TDRD3: variants seen among roughly 807,000 people sequenced by gnomAD.
The protein encoded by TDRD3 is tudor domain containing 3.
Under a neutral mutation model 86.7 loss-of-function variants are expected in TDRD3, and 45 were observed. The observed-to-expected ratio is 0.52, with a 90% confidence interval of 0.41 to 0.67. TDRD3 has a LOEUF of 0.67. Ranked by LOEUF, TDRD3 falls within the 30% of genes least tolerant of loss-of-function variation. The pLI is 0.00. For missense variants in TDRD3, 814 were observed against 889.0 expected, an observed-to-expected ratio of 0.92 and a Z score of 1.07; for synonymous variants, 298 against 301.7, an observed-to-expected ratio of 0.99 and a Z score of 0.13.
At chr13:60,507,743 A>G (rs1035215640) in intron 8 of TDRD3, among the ~76,000 whole-genome samples, 14 of 152,234 alleles carry the variant, frequency 9.2e-5, no homozygotes, top group African/African-American at 2.9e-4. Flanking sequence ...CACCACTCCT[A>G]TTCAACATAG....
rs754630468 is a variant in TDRD3 at position 60,528,339 on chromosome 13, T to A, written c.1142-28T>A. ...ATTAATGCAGAGTCTTCATCTTAAT[T>A]TGCATATGGTATACTTTTACCTTTC... On this transcript the variant is annotated intron_variant, in intron 10 of 13. Coordinates refer to ENST00000377881, the MANE Select transcript of TDRD3 (RefSeq NM_001146070.2). 1.9e-6 allele frequency: 3 copies of A among 1,543,848 alleles called. No individual in the cohort carries two copies. The African/African-American group carries it at 4.2e-5, about 21-fold the overall frequency.
chr13:60,448,601 T>C (rs1445029751), intron 3 of TDRD3, among the ~76,000 whole-genome samples: 1 of 152,126 alleles, frequency 6.6e-6, no homozygotes, highest in Non-Finnish European at 1.5e-5. Flanking sequence ...TTATAGGCAC[T>C]TCATATTTGA....
chr13:60,434,541 G>A (rs1433439781), intron 1 of TDRD3, among the ~76,000 whole-genome samples: 3 of 151,858 alleles, frequency 2.0e-5, no homozygotes, highest in Non-Finnish European at 2.9e-5. Context: ...GGTAAAATTA[G>A]TGAGAAATAT....
intron 4 of TDRD3, among the ~76,000 whole-genome samples, chr13:60,462,671 T>TTTATTATTA (rs564814817): frequency 6.6e-6 from 1 of 151,708 alleles, no homozygotes; most frequent in Non-Finnish European, 1.5e-5. Flanking sequence ...CTTGCTAGTT[T>TTTATTATTA]TTATTATTAT....
At chr13:60,446,782 T>C (rs1306289843) in intron 3 of TDRD3, among the ~76,000 whole-genome samples, 3 of 152,182 alleles carry the variant, frequency 2.0e-5, no homozygotes, top group Non-Finnish European at 2.9e-5. Context: ...TATTTTGGTT[T>C]CTTTGTTAGT....
chr13:60,451,644 T>C (rs1288110103), intron 3 of TDRD3, among the ~76,000 whole-genome samples: 1 of 152,152 alleles, frequency 6.6e-6, no homozygotes, highest in East Asian at 1.9e-4. Flanking sequence ...GGAACTCTAC[T>C]GCATTGTGGA....
intron 9 of TDRD3, among the ~76,000 whole-genome samples, chr13:60,510,191 G>A (rs928598914): frequency 2.0e-5 from 3 of 152,124 alleles, no homozygotes; most frequent in African/African-American, 7.2e-5. Context: ...GAGTAATAGA[G>A]AAAATATGTG....
At chr13:60,438,267 A>G (rs572016050) in intron 1 of TDRD3, among the ~76,000 whole-genome samples, 3 of 152,312 alleles carry the variant, frequency 2.0e-5, no homozygotes, top group South Asian at 4.1e-4. Context: ...ATAAATTATT[A>G]TAGCCATTTT....
intron 2 of TDRD3, among the ~76,000 whole-genome samples, chr13:60,443,627 C>T (rs1955333829): frequency 6.6e-6 from 1 of 151,874 alleles, no homozygotes; most frequent in Non-Finnish European, 1.5e-5. Context: ...AGAAGATGGT[C>T]CTGCCCCTCT....
chr13:60,460,026 G>A (rs1478890664), intron 3 of TDRD3, among the ~76,000 whole-genome samples: 1 of 152,008 alleles, frequency 6.6e-6, no homozygotes, highest in Non-Finnish European at 1.5e-5. Flanking sequence ...GGGAGAAGTG[G>A]GATTTATGGG....
At chr13:60,570,446 T>C (rs1958561889) in intron 13 of TDRD3, among the ~76,000 whole-genome samples, 1 of 152,172 alleles carries the variant, frequency 6.6e-6, no homozygotes, top group Non-Finnish European at 1.5e-5. Context: ...GAGAACCCTT[T>C]TACATTGTTG....
Position 60,531,008 on chromosome 13 carries a change from A to G in TDRD3, c.1992+1791A>G, listed in dbSNP as rs138269818. Among the ~76,000 whole-genome samples the G allele has an allele frequency of 3.3e-3, 504 of 152,282 alleles. 4 individuals are homozygous for G. The highest frequency in any genetic ancestry group is 0.012 in the African/African-American group (480 of 41,560). Reference sequence around the variant, plus strand: ...GCCTGATGATAGAATAAGGAGGAGTACAGAGTGAAACAGCTAGATGGCATA... The same window carrying G: ...GCCTGATGATAGAATAAGGAGGAGTGCAGAGTGAAACAGCTAGATGGCATA... On this transcript the variant is annotated intron_variant, in intron 11 of 13. Transcript: ENST00000377881.
At chr13:60,544,453 A>C (rs1459913716) in intron 12 of TDRD3, among the ~76,000 whole-genome samples, 2 of 151,472 alleles carry the variant, frequency 1.3e-5, no homozygotes, top group Non-Finnish European at 2.9e-5. Context: ...TAAAAAAAAA[A>C]AAAAAAGAAA....
intron 1 of TDRD3, among the ~76,000 whole-genome samples, chr13:60,411,136 C>T (rs1027352498): frequency 5.9e-5 from 9 of 152,156 alleles, no homozygotes; most frequent in African/African-American, 2.2e-4. Context: ...CCATAGTACT[C>T]ATTAAATTTT....
In TDRD3 at chr13:60,531,724, A is replaced by G. The variant is rs547731304; in HGVS notation, c.1992+2507A>G. Reference sequence around the variant, plus strand: ...GATATCTGCTTATATTCTCTCTGCCAGTAGAAAATGTAACTGTTTTACTGG... The same window carrying G: ...GATATCTGCTTATATTCTCTCTGCCGGTAGAAAATGTAACTGTTTTACTGG... On this transcript the variant is annotated intron_variant, in intron 11 of 13. Coordinates refer to ENST00000377881, the MANE Select transcript of TDRD3 (RefSeq NM_001146070.2). Among the ~76,000 whole-genome samples the G allele has an allele frequency of 3.8e-4, 58 of 152,308 alleles. 1 individual carries two copies. The highest frequency in any genetic ancestry group is 1.4e-3 in the African/African-American group (57 of 41,556).
intron 9 of TDRD3, among the ~76,000 whole-genome samples, chr13:60,510,321 A>T (rs556007319): frequency 2.0e-5 from 3 of 152,274 alleles, no homozygotes; most frequent in African/African-American, 7.2e-5. Flanking sequence ...CAAGTTTCTT[A>T]TGTGGTCCCA....
At chr13:60,411,127 C>T (rs1339224508) in intron 1 of TDRD3, among the ~76,000 whole-genome samples, 1 of 152,132 alleles carries the variant, frequency 6.6e-6, no homozygotes, top group African/African-American at 2.4e-5. Flanking sequence ...AGACACCTGC[C>T]ATAGTACTCA....
At chr13:60,417,790 C>T (rs1954561367) in intron 1 of TDRD3, among the ~76,000 whole-genome samples, 1 of 152,172 alleles carries the variant, frequency 6.6e-6, no homozygotes. Context: ...CTGTACTTCT[C>T]TTCCCCTCCA....
intron 1 of TDRD3, among the ~76,000 whole-genome samples, chr13:60,416,285 A>ATT (rs35906738): frequency 6.0e-5 from 9 of 150,528 alleles, no homozygotes; most frequent in Middle Eastern, 3.4e-3. Flanking sequence ...TTCTAATGAG[A>ATT]TTTTTTTTTT....
Sources: allele counts gnomAD v4.1 joint callset (sites outside exome capture counted in the v4.1 genomes callset), GRCh38; gene constraint gnomAD v4.1.1; transcripts MANE v1.5; gene names NCBI Gene and HGNC (gene_info 2026-07-23, HGNC 2026-07-21).